TMEM132B: variants seen among roughly 807,000 people sequenced by gnomAD.
TMEM132B encodes the protein transmembrane protein 132B.
Under a neutral mutation model 90.8 loss-of-function variants are expected in TMEM132B, and 18 were observed. That is an observed-to-expected ratio of 0.20 (90% CI 0.14 to 0.29). TMEM132B has a LOEUF of 0.29. Ranked by LOEUF, TMEM132B falls within the 10% of genes least tolerant of loss-of-function variation. The probability of loss-of-function intolerance (pLI) is 1.00; values close to 1 mark genes in which losing one functional copy is unlikely to be tolerated. For synonymous variants in TMEM132B, 504 were observed against 523.3 expected (o/e 0.96, Z 0.50); for missense variants, 1,096 against 1,326.8 (o/e 0.83, Z 2.70).
chr12:125,542,025 C>CAA (rs71306285), intron 4 of TMEM132B, among the ~76,000 whole-genome samples: 472 of 23,292 alleles, frequency 0.02, 47 homozygotes, highest in African/African-American at 0.067. Context: ...ACCCCCGTCT[C>CAA]AAAAAAAAAA....
intron 3 of TMEM132B, among the ~76,000 whole-genome samples, chr12:125,430,534 A>C (rs1880470092): frequency 6.6e-6 from 1 of 152,304 alleles, no homozygotes; most frequent in African/African-American, 2.4e-5. Flanking sequence ...GAGCATCTGC[A>C]AAGGCTCCCA....
rs956442701 is a variant in TMEM132B, at chr12:125,448,249, C to CA, written c.1106+32585dup. On this transcript the variant is annotated intron_variant, in intron 3 of 8. Coordinates refer to ENST00000682704, the MANE Select transcript of TMEM132B (RefSeq NM_001366854.1). ...GGGCAACAAGAGCAAAACTCTGTCT[C>CA]AAAAAAAAAAAAATTCATTTTGATG... is the stretch of plus-strand genomic sequence containing the variant. Among the ~76,000 whole-genome samples the CA allele has an allele frequency of 4.6e-3, 651 of 140,154 alleles. 2 individuals carry two copies. Among genetic ancestry groups the CA allele is most frequent in the South Asian group, 0.016 (69 of 4,382 alleles). 91.9% of individuals were successfully genotyped at this position (140,154 alleles called of 152,430 possible).
At chr12:125,524,724 A>C (rs181109501) in intron 4 of TMEM132B, among the ~76,000 whole-genome samples, 502 of 152,314 alleles carry the variant, frequency 3.3e-3, no homozygotes, top group Middle Eastern at 0.014. Context: ...CTTTGGGAGA[A>C]GGTAAAACAG....
chr12:125,225,866 G>A (rs546424014), intron 1 of TMEM132B, among the ~76,000 whole-genome samples: 1 of 152,264 alleles, frequency 6.6e-6, no homozygotes, highest in East Asian at 1.9e-4. Flanking sequence ...AGCTGCAAGG[G>A]AGGCTGGGAA....
At chr12:125,194,369 T>C (rs574759740) in intron 1 of TMEM132B, among the ~76,000 whole-genome samples, 51 of 152,156 alleles carry the variant, frequency 3.4e-4, no homozygotes, top group African/African-American at 1.0e-3. Context: ...CTGCTTTGTG[T>C]CCTGAATGCC....
intron 2 of TMEM132B, among the ~76,000 whole-genome samples, chr12:125,360,894 C>G (rs1007051424): frequency 2.0e-5 from 3 of 151,916 alleles, no homozygotes; most frequent in Non-Finnish European, 4.4e-5. Context: ...TCTCAACTCC[C>G]CTCCTTACTG....
rs935148231 is a variant in TMEM132B, at chr12:125,406,675, C to T, written c.960-8856C>T. On this transcript the variant is annotated intron_variant, in intron 2 of 8. Transcript: ENST00000682704. The surrounding 1 kb of genome is among the most constrained non-coding windows in gnomAD (Gnocchi z 8.3). ...AATTGCACGCTTCCTTCTCCAACCCCCGCCCATGGCAGACAGTGAAAGACT... is the reference window on the plus strand; with the variant it reads ...AATTGCACGCTTCCTTCTCCAACCCTCGCCCATGGCAGACAGTGAAAGACT... 2.0e-5 allele frequency among the ~76,000 whole-genome samples: 3 copies of T among 152,148 alleles called. No individual in the cohort carries two copies. The highest frequency in any genetic ancestry group is 7.2e-5 in the African/African-American group (3 of 41,432).
At chr12:125,467,926 G>A (rs917516928) in intron 3 of TMEM132B, among the ~76,000 whole-genome samples, 5 of 152,132 alleles carry the variant, frequency 3.3e-5, no homozygotes, top group Non-Finnish European at 5.9e-5. Flanking sequence ...TTTTCTCATA[G>A]CATGTATCAG....
intron 1 of TMEM132B, among the ~76,000 whole-genome samples, chr12:125,221,727 C>T (rs1249133750): frequency 6.6e-6 from 1 of 152,156 alleles, no homozygotes; most frequent in Non-Finnish European, 1.5e-5. Flanking sequence ...TGTAATTCAT[C>T]CCTGTAGGAA....
intron 7 of TMEM132B, among the ~76,000 whole-genome samples, chr12:125,651,881 A>G (rs1447417708): frequency 1.3e-5 from 2 of 151,984 alleles, no homozygotes; most frequent in African/African-American, 2.4e-5. Flanking sequence ...AGGGGTCACC[A>G]GGGGTCACTC....
intron 2 of TMEM132B, among the ~76,000 whole-genome samples, chr12:125,354,789 A>C (rs75311813): frequency 0.02 from 3,011 of 152,308 alleles, 59 homozygotes; most frequent in Non-Finnish European, 0.031. Flanking sequence ...TTTATGCTAT[A>C]ATTAATATGT....
At chr12:125,225,260 G>T (rs1414767571) in intron 1 of TMEM132B, among the ~76,000 whole-genome samples, 2 of 152,242 alleles carry the variant, frequency 1.3e-5, no homozygotes, top group African/African-American at 4.8e-5. Context: ...ATAGCAGGGT[G>T]AGAGGTTACT....
intron 5 of TMEM132B, among the ~76,000 whole-genome samples, chr12:125,611,193 A>G (rs992577123): frequency 1.3e-5 from 2 of 152,114 alleles, no homozygotes; most frequent in African/African-American, 4.8e-5. Flanking sequence ...GCACACAAGT[A>G]TTCATAACAT....
At chr12:125,628,640 C>G (rs1297359848) in intron 5 of TMEM132B, among the ~76,000 whole-genome samples, 1 of 152,074 alleles carries the variant, frequency 6.6e-6, no homozygotes, top group African/African-American at 2.4e-5. Flanking sequence ...CACGCAGAAG[C>G]CTCTTAACTT....
intron 5 of TMEM132B, chr12:125,585,766 T>G (rs1194260843): frequency 6.6e-6 from 1 of 152,214 alleles, no homozygotes; most frequent in Non-Finnish European, 1.5e-5. Context: ...TTTTGGAAGA[T>G]GATACCTTTT....
At chr12:125,559,659 C>T (rs1426276967) in intron 4 of TMEM132B, among the ~76,000 whole-genome samples, 2 of 152,016 alleles carry the variant, frequency 1.3e-5, no homozygotes, top group African/African-American at 2.4e-5. Context: ...GTGGTGTGAG[C>T]GGCATGGTGG....
chr12:125,425,866 G>A (rs976357919), intron 3 of TMEM132B, among the ~76,000 whole-genome samples: 5 of 152,192 alleles, frequency 3.3e-5, no homozygotes, highest in African/African-American at 1.2e-4. Flanking sequence ...CATCTTGGTT[G>A]CTTCCAAGTT....
intron 1 of TMEM132B, among the ~76,000 whole-genome samples, chr12:125,201,686 A>G (rs1326992567): frequency 6.6e-6 from 1 of 152,160 alleles, no homozygotes; most frequent in Non-Finnish European, 1.5e-5. Flanking sequence ...GTGCCATAGC[A>G]TTTTCATCTG....
rs557130502 is a variant in TMEM132B at position 125,548,523 on chromosome 12, C to T, written c.1293+28898C>T. ...TTAAGCTAAGGATTGAAGGATAAGA[C>T]GACAGTCCCTGGTATGAAAAGTGTG... On this transcript the variant is annotated intron_variant, in intron 4 of 8. Transcript: ENST00000682704. Among the ~76,000 whole-genome samples, 39 of 152,198 alleles carry T rather than the reference C, an allele frequency of 2.6e-4. No individual in the cohort carries two copies. In the South Asian group the frequency reaches 7.1e-3, roughly 28 times the overall value.
Sources: allele counts gnomAD v4.1 joint callset (sites outside exome capture counted in the v4.1 genomes callset), GRCh38; gene constraint gnomAD v4.1.1; non-coding constraint Gnocchi (gnomAD v3.1); transcripts MANE v1.5; gene names NCBI Gene and HGNC (gene_info 2026-07-23, HGNC 2026-07-21).